The following HPSE2 variants were observed in gnomAD, a reference collection of about 807,000 sequenced individuals.
The protein encoded by HPSE2 is heparanase 2 (inactive).
A neutral mutation model predicts 60.5 loss-of-function variants in HPSE2; 38 were observed. The ratio of observed to expected loss-of-function variants is 0.63; its 90% CI spans 0.48 to 0.82. The LOEUF (loss-of-function observed/expected upper bound fraction) is 0.82, where lower values mean the gene tolerates loss of function less well. Among genes scored for constraint, HPSE2 ranks in the 40% least tolerant of loss-of-function variants. HPSE2 has a pLI of 0.00. For missense variants in HPSE2, 713 were observed against 740.4 expected, an observed-to-expected ratio of 0.96 and a Z score of 0.43; for synonymous variants, 295 against 293.2, an observed-to-expected ratio of 1.01 and a Z score of -0.06.
chr10:99,111,960 G>A (rs1035513210), intron 3 of HPSE2, among the ~76,000 whole-genome samples: 4 of 152,168 alleles, frequency 2.6e-5, no homozygotes, highest in African/African-American at 9.7e-5. Flanking sequence ...GTGAGGGCAG[G>A]GATTGGGTCA....
chr10:98,742,778 CACACACACATACAT>C (rs1432787894), intron 4 of HPSE2, among the ~76,000 whole-genome samples: 3 of 98,572 alleles, frequency 3.0e-5, no homozygotes, highest in East Asian at 2.8e-4. Context: ...TACACATACA[CACACACACATACAT>C]ACACACACAC....
At chr10:98,597,389 G>A (rs1293365888) in intron 9 of HPSE2, among the ~76,000 whole-genome samples, 1 of 152,046 alleles carries the variant, frequency 6.6e-6, no homozygotes, top group Non-Finnish European at 1.5e-5. Context: ...TTGTGGCCAT[G>A]TGCCACGGCT....
At chr10:98,527,605 T>C (rs761359021) in intron 9 of HPSE2, among the ~76,000 whole-genome samples, 2 of 152,202 alleles carry the variant, frequency 1.3e-5, no homozygotes, top group South Asian at 2.1e-4. Flanking sequence ...TTCCCCAGAA[T>C]TCTCCAATCC....
intron 3 of HPSE2, among the ~76,000 whole-genome samples, chr10:99,022,108 A>G (rs1957276998): frequency 7.0e-6 from 1 of 143,252 alleles, no homozygotes; most frequent in South Asian, 2.2e-4. Flanking sequence ...GATAGAAAAT[A>G]CAGCCTGAAT....
the HPSE2 span, among the ~76,000 whole-genome samples, chr10:99,292,250 T>C: frequency 2.6e-5 from 4 of 152,042 alleles, no homozygotes; most frequent in African/African-American, 9.7e-5. Flanking sequence ...AGTAAGTAAA[T>C]AGTTGGGAAG....
chr10:98,629,278 C>T (rs1174270745), intron 7 of HPSE2, among the ~76,000 whole-genome samples: 1 of 152,196 alleles, frequency 6.6e-6, no homozygotes, highest in Non-Finnish European at 1.5e-5. Flanking sequence ...TCAACCTTCC[C>T]CAGAATTTCA....
Position 99,150,026 on chromosome 10 carries a change from T to C in HPSE2, c.449-5627A>G, listed in dbSNP as rs140756599. On this transcript the variant is annotated intron_variant, in intron 2 of 11. Coordinates refer to ENST00000370552, the MANE Select transcript of HPSE2 (RefSeq NM_021828.5). ...TTGGGTCCAAATATGAAGCTATCCA[T>C]ACTCCTCTTCCCATCTCCCCTTATG... 2.9e-3 allele frequency among the ~76,000 whole-genome samples: 437 copies of C among 152,210 alleles called. 3 individuals carry two copies. The highest frequency in any genetic ancestry group is 0.01 in the African/African-American group (416 of 41,542).
intron 9 of HPSE2, among the ~76,000 whole-genome samples, chr10:98,520,920 G>C (rs1591307169): frequency 6.6e-6 from 1 of 152,156 alleles, no homozygotes; most frequent in South Asian, 2.1e-4. Flanking sequence ...ATGGTGTGGG[G>C]AAAACTGGCT....
chr10:99,009,933 A>AT lies in HPSE2; in HGVS notation c.610+134304dup, dbSNP rs145728893. Among the ~76,000 whole-genome samples, 620 of 152,360 alleles carry AT rather than the reference A, an allele frequency of 4.1e-3. 1 individual carries two copies. Among genetic ancestry groups the AT allele is most frequent in the Non-Finnish European group, 5.8e-3 (392 of 68,032 alleles). On this transcript the variant is annotated intron_variant, in intron 3 of 11. Transcript: ENST00000370552. ...TTAAAAATTAAATAAATTTAGTTTC[A>AT]TAAAAACTTGTCACTTGGTTCTTAT...
intron 3 of HPSE2, among the ~76,000 whole-genome samples, chr10:98,778,271 A>AGAGAGAGAGAGAGAGAGC (rs1950387397): frequency 7.2e-6 from 1 of 138,118 alleles, no homozygotes; most frequent in Non-Finnish European, 1.6e-5. Flanking sequence ...AGACAGAGAG[A>AGAGAGAGAGAGAGAGAGC]GAGAGAGAGA....
chr10:99,238,647 C>T (rs371623500), upstream of HPSE2, among the ~76,000 whole-genome samples: 13 of 152,260 alleles, frequency 8.5e-5, no homozygotes, highest in East Asian at 1.4e-3. Context: ...GGGTTTAGAT[C>T]TCCAGAGATA....
At chr10:99,049,454 T>C (rs1476991820) in intron 3 of HPSE2, among the ~76,000 whole-genome samples, 2 of 151,894 alleles carry the variant, frequency 1.3e-5, no homozygotes, top group African/African-American at 2.4e-5. Flanking sequence ...CATCAAGAGA[T>C]CCAAACCTAG....
rs533683088 is a variant in HPSE2 at position 98,653,581 on chromosome 10, C to A, written c.1005-11641G>T. Reference sequence around the variant, plus strand: ...ACATTTTTAATGAATCTCGGTGTATCTTCAAATAACCCCATACTGCTTCAT... The same window carrying A: ...ACATTTTTAATGAATCTCGGTGTATATTCAAATAACCCCATACTGCTTCAT... On this transcript the variant is annotated intron_variant, in intron 6 of 11. Coordinates refer to ENST00000370552, the MANE Select transcript of HPSE2 (RefSeq NM_021828.5). Among the ~76,000 whole-genome samples the A allele has an allele frequency of 1.3e-3, 197 of 151,632 alleles. 2 individuals are homozygous for A. The highest frequency in any genetic ancestry group is 1.5e-4 in the Non-Finnish European group (10 of 67,854).
chr10:98,914,349 C>A (rs1954060511), intron 3 of HPSE2, among the ~76,000 whole-genome samples: 1 of 151,962 alleles, frequency 6.6e-6, no homozygotes, highest in African/African-American at 2.4e-5. Flanking sequence ...AAACCTCTTT[C>A]TTTTGTAAAT....
chr10:99,050,982 AT>A (rs1300319259), intron 3 of HPSE2, among the ~76,000 whole-genome samples: 4 of 152,090 alleles, frequency 2.6e-5, no homozygotes, highest in Non-Finnish European at 5.9e-5. Flanking sequence ...TATGGAAAAA[AT>A]ATCATACCAT....
intron 3 of HPSE2, among the ~76,000 whole-genome samples, chr10:98,960,931 C>A (rs1377268577): frequency 1.0e-5 from 1 of 98,880 alleles, no homozygotes; most frequent in Non-Finnish European, 2.0e-5. Context: ...GTGATATTCC[C>A]CTTCCTGTGT....
chr10:98,763,729 T>A (rs1474045845), intron 3 of HPSE2, among the ~76,000 whole-genome samples: 1 of 150,392 alleles, frequency 6.6e-6, no homozygotes, highest in East Asian at 1.9e-4. Flanking sequence ...AAAGACTATA[T>A]CTAGAGAATA....
intron 7 of HPSE2, among the ~76,000 whole-genome samples, chr10:98,639,297 C>T (rs968158125): frequency 2.6e-5 from 4 of 152,160 alleles, no homozygotes; most frequent in Admixed American, 2.6e-4. Flanking sequence ...ATTCCTGACC[C>T]ATACAATGCA....
At chr10:98,522,774 C>T (rs1415557096) in intron 9 of HPSE2, among the ~76,000 whole-genome samples, 3 of 152,282 alleles carry the variant, frequency 2.0e-5, no homozygotes, top group South Asian at 2.1e-4. Flanking sequence ...CACCGTGTCC[C>T]GCCTTCGTCA....
Sources: gnomAD v4.1 joint callset for allele counts (sites outside exome capture counted in the v4.1 genomes callset) on GRCh38, gnomAD v4.1.1 for gene constraint, MANE v1.5 for transcripts, NCBI Gene and HGNC (gene_info 2026-07-23, HGNC 2026-07-21) for gene names.